Variants in VPS13A observed in about 807,000 individuals in gnomAD.
VPS13A encodes vacuolar protein sorting 13 homolog A, also known as intermembrane lipid transfer protein VPS13A.
Under a neutral mutation model 390.9 loss-of-function variants are expected in VPS13A, and 264 were observed. The ratio of observed to expected loss-of-function variants is 0.68; its 90% CI spans 0.61 to 0.75. The LOEUF (loss-of-function observed/expected upper bound fraction) is 0.75. Among genes scored for constraint, VPS13A ranks in the 30% least tolerant of loss-of-function variants. VPS13A has a pLI of 0.00. For missense variants in VPS13A, 3,409 were observed against 3,733.9 expected, an observed-to-expected ratio of 0.91 and a Z score of 2.27; for synonymous variants, 1,231 against 1,227.1, an observed-to-expected ratio of 1.00 and a Z score of -0.07.
At chr9:77,273,240 C>T in intron 23 of VPS13A, 40 bp from the exon 24 acceptor site, 1 of 1,491,612 alleles carries the variant, frequency 6.7e-7, no homozygotes, top group Non-Finnish European at 9.3e-7. Context: ...GGTGAATAAA[C>T]ATTTTTGTGC....
chr9:77,341,604 C>G (rs1224449163), intron 50 of VPS13A, among the ~76,000 whole-genome samples: 1 of 150,218 alleles, frequency 6.7e-6, no homozygotes, highest in Non-Finnish European at 1.5e-5. Context: ...GACATTCATA[C>G]TCTATCCTCC....
chr9:77,177,964 G>A (rs776630457), intron 1 of VPS13A, 160 bp downstream of exon 1: 2 of 625,400 alleles, frequency 3.2e-6, no homozygotes, highest in Admixed American at 2.8e-5. Context: ...AAGCCGGGCG[G>A]CAGTTCCCTG....
chr9:77,378,163 G>A (rs532241680), intron 67 of VPS13A, among the ~76,000 whole-genome samples: 1 of 152,146 alleles, frequency 6.6e-6, no homozygotes, highest in South Asian at 2.1e-4. Flanking sequence ...GGGTAATATT[G>A]TCCTCACAGA....
rs1835220161 is a variant in VPS13A, at chr9:77,417,920, C to T, written c.*1914C>T. On this transcript the variant is annotated 3_prime_UTR_variant, in exon 72 of 72. Transcript: ENST00000360280. The stretch of plus-strand genomic sequence containing the variant: ...CTCCTTTCCCTGCCACTCGTTTACT[C>T]ATCACCTCCTCCCATCACTTCCTTG... The T allele has an allele frequency of 6.6e-6, 1 of 152,138 alleles. No individual in the cohort carries two copies. Among genetic ancestry groups the T allele is most frequent in the Non-Finnish European group, 1.5e-5 (1 of 68,026 alleles). 9.4% of individuals were successfully genotyped at this position (152,138 alleles called of 1,614,324 possible). A position where few individuals can be genotyped will look rare whatever the true frequency, so the allele number is the denominator to read the frequency against.
intron 68 of VPS13A, among the ~76,000 whole-genome samples, chr9:77,391,093 G>C (rs1021501305): frequency 6.7e-6 from 1 of 149,094 alleles, no homozygotes; most frequent in Non-Finnish European, 1.5e-5. Context: ...GTAAGTATTA[G>C]CTAGAAGGTC....
At chr9:77,324,019 CCTT>C (rs996923130) in intron 45 of VPS13A, among the ~76,000 whole-genome samples, 6 of 150,852 alleles carry the variant, frequency 4.0e-5, no homozygotes, top group Middle Eastern at 3.2e-3. Context: ...GATTTTAGGT[CCTT>C]CTCATTTTTA....
intron 1 of VPS13A, among the ~76,000 whole-genome samples, chr9:77,182,203 C>T (rs1824064077): frequency 6.6e-6 from 1 of 152,176 alleles, no homozygotes; most frequent in African/African-American, 2.4e-5. Flanking sequence ...AAGTGAGTCT[C>T]CTGCCTCAGC....
At chr9:77,269,402 A>G (rs994260653) in intron 23 of VPS13A, among the ~76,000 whole-genome samples, 5 of 152,138 alleles carry the variant, frequency 3.3e-5, no homozygotes, top group African/African-American at 7.2e-5. Flanking sequence ...TATCATTTCC[A>G]TCTGTTTCTG....
At chr9:77,302,878 A>G in intron 33 of VPS13A, 37 bp from the exon 34 acceptor site, 1 of 1,590,274 alleles carries the variant, frequency 6.3e-7, no homozygotes, top group Non-Finnish European at 8.6e-7. Context: ...CTGAATGTAT[A>G]TGAAACAATT....
intron 33 of VPS13A, among the ~76,000 whole-genome samples, chr9:77,301,478 A>G (rs981996137): frequency 6.6e-6 from 1 of 152,162 alleles, no homozygotes; most frequent in Non-Finnish European, 1.5e-5. Flanking sequence ...TCATTCATTA[A>G]ATGGCTTGGT....
chr9:77,203,787 C>A (rs537962304), intron 3 of VPS13A, among the ~76,000 whole-genome samples: 1 of 152,208 alleles, frequency 6.6e-6, no homozygotes, highest in South Asian at 2.1e-4. Context: ...AGTTTTTTCA[C>A]AATCTTATTA....
At position 77,276,126 on chromosome 9, in the gene VPS13A, T is replaced by C. The variant is rs1564687714; in HGVS notation, c.2729T>C (p.Val910Ala). The change falls in exon 26 of 72, where the codon GTT (valine) becomes GCT (alanine). Residue 910 changes from valine (V) to alanine (A), a missense_variant. By Grantham distance (64) the Val-to-Ala change is moderately conservative. Coordinates refer to ENST00000360280, the MANE Select transcript of VPS13A (RefSeq NM_033305.3). ...DCELSVVEILVLGLGAEIEIR... is the reference protein window; with the variant it reads ...DCELSVVEILALGLGAEIEIR... ...GAACTATCTGTGGTAGAAATTCTTGTTTTAGGATTGGGTGCAGAAATTGAG... is the reference window on the plus strand; with the variant it reads ...GAACTATCTGTGGTAGAAATTCTTGCTTTAGGATTGGGTGCAGAAATTGAG... 6.2e-7 allele frequency: 1 copy of C among 1,613,344 alleles called. No homozygotes were observed. Among genetic ancestry groups the C allele is most frequent in the Non-Finnish European group, 8.5e-7 (1 of 1,179,686 alleles).
At chr9:77,323,042 T>C in intron 44 of VPS13A, 25 bp from the exon 45 acceptor site, 2 of 1,566,316 alleles carry the variant, frequency 1.3e-6, no homozygotes, top group Non-Finnish European at 1.7e-6. Context: ...TAATAAAAAC[T>C]TTTAAACATA....
At chr9:77,205,271 G>C in intron 3 of VPS13A, 42 bp from the exon 4 acceptor site, 1 of 1,103,946 alleles carries the variant, frequency 9.1e-7, no homozygotes, top group Non-Finnish European at 1.3e-6. Context: ...GGTTGAAGGA[G>C]TAATATTTTT....
rs749572299 is a variant in VPS13A, at chr9:77,315,357, A to G, written c.4517A>G (p.Tyr1506Cys). The G allele has an allele frequency of 6.8e-6, 11 of 1,614,016 alleles. No individual in the cohort carries two copies. Among genetic ancestry groups the G allele is most frequent in the African/African-American group, 4.0e-5 (3 of 75,056 alleles). Residue 1506 changes from tyrosine to cysteine, a missense_variant, in exon 38 of 72, where the codon TAT becomes TGT. Physicochemically the swap from Tyr to Cys is radical, Grantham distance 194. Transcript: ENST00000360280. ...CVTDAVFQEMYICASVEFLQT... is the reference protein window; with the variant it reads ...CVTDAVFQEMCICASVEFLQT... The stretch of plus-strand genomic sequence containing the variant: ...ACTGATGCGGTCTTTCAAGAAATGT[A>G]TATTTGTGCAAGCGTAGAATTTCTG...
chr9:77,406,222 C>T lies in VPS13A; in HGVS notation c.9399+235C>T, dbSNP rs532190629. The stretch of plus-strand genomic sequence containing the variant: ...TGACAATAACATTCCTGGGCCCTTG[C>T]TGTATATTCAGTAACAGAGCCCCAC... On this transcript the variant is annotated intron_variant, in intron 70 of 71. Coordinates refer to ENST00000360280, the MANE Select transcript of VPS13A (RefSeq NM_033305.3). Among the ~76,000 whole-genome samples the T allele has an allele frequency of 2.6e-5, 4 of 152,100 alleles. No individual in the cohort carries two copies. In the South Asian group the frequency reaches 8.3e-4, roughly 32 times the overall value.
chr9:77,354,677 A>G (rs375950791), intron 54 of VPS13A, among the ~76,000 whole-genome samples: 331 of 152,292 alleles, frequency 2.2e-3, no homozygotes, highest in Non-Finnish European at 3.3e-3. Flanking sequence ...GGCGCACTCT[A>G]TATCCTAGAT....
chr9:77,370,885 T>G lies in VPS13A; in HGVS notation c.8908-5T>G, dbSNP rs1832710840. On this transcript the variant is annotated splice_polypyrimidine_tract_variant and splice_region_variant and intron_variant, in intron 65 of 71. Transcript: ENST00000360280. ...TGTAAATTTTCAGTTGTGTTTTCCT[T>G]CTAGGGATTTGTTAGTGGCATAACA... 6.2e-7 allele frequency: 1 copy of G among 1,612,870 alleles called. No individual in the cohort carries two copies. The highest frequency in any genetic ancestry group is 8.5e-7 in the Non-Finnish European group (1 of 1,179,890).
At chr9:77,363,945 A>G (rs531650607) in intron 59 of VPS13A, among the ~76,000 whole-genome samples, 25 of 152,254 alleles carry the variant, frequency 1.6e-4, no homozygotes, top group African/African-American at 5.8e-4. Flanking sequence ...GTAACACCCC[A>G]GTTTAGGAGC....
Sources: allele counts gnomAD v4.1 joint callset (sites outside exome capture counted in the v4.1 genomes callset), GRCh38; gene constraint gnomAD v4.1.1; transcripts MANE v1.5; gene names NCBI Gene and HGNC (gene_info 2026-07-23, HGNC 2026-07-21).